ADAMTS3: variants seen among roughly 807,000 people sequenced by gnomAD.
The protein encoded by ADAMTS3 is ADAM metallopeptidase with thrombospondin type 1 motif 3.
ADAMTS3 carries 73 observed loss-of-function variants against 129.0 expected under a neutral mutation model. The observed-to-expected ratio is 0.57, with a 90% CI of 0.47 to 0.69. The LOEUF is 0.69. Ranked by LOEUF, ADAMTS3 falls within the 30% of genes least tolerant of loss-of-function variation. The probability of loss-of-function intolerance (pLI) is 0.00; values close to 1 mark genes in which losing one functional copy is unlikely to be tolerated. For synonymous variants in ADAMTS3, 477 were observed against 510.8 expected (o/e 0.93, Z 0.89); for missense variants, 1,457 against 1,514.5 (o/e 0.96, Z 0.63).
intron 4 of ADAMTS3, among the ~76,000 whole-genome samples, chr4:72,407,722 A>G: frequency 6.6e-6 from 1 of 152,170 alleles, no homozygotes. Flanking sequence ...AAAATATCTC[A>G]GGTCAAAAGC....
At chr4:72,509,386 TAAG>T (rs1487385272) in intron 3 of ADAMTS3, among the ~76,000 whole-genome samples, 1 of 151,586 alleles carries the variant, frequency 6.6e-6, no homozygotes, top group East Asian at 1.9e-4. Flanking sequence ...TTAGCCAAAC[TAAG>T]AAGAGAGGAG....
chr4:72,447,741 T>C (rs528807067), intron 3 of ADAMTS3, among the ~76,000 whole-genome samples: 2 of 151,834 alleles, frequency 1.3e-5, no homozygotes, highest in East Asian at 2.0e-4. Flanking sequence ...AGAAGCACAG[T>C]TGGCTCTAAA....
chr4:72,298,623 T>C (rs547160089), intron 17 of ADAMTS3, among the ~76,000 whole-genome samples, 181 bp from the exon 18 acceptor site: 1 of 152,184 alleles, frequency 6.6e-6, no homozygotes, highest in African/African-American at 2.4e-5. Context: ...AAGAAAAAGA[T>C]GAAGTATCTA....
intron 5 of ADAMTS3, among the ~76,000 whole-genome samples, chr4:72,329,182 G>A (rs188360860): frequency 3.9e-4 from 60 of 151,978 alleles, no homozygotes; most frequent in Middle Eastern, 3.4e-3. Flanking sequence ...CTATAAGCAT[G>A]AAAAAAAATG....
At chr4:72,377,804 G>T (rs941910396) in intron 4 of ADAMTS3, among the ~76,000 whole-genome samples, 1 of 152,078 alleles carries the variant, frequency 6.6e-6, no homozygotes, top group African/African-American at 2.4e-5. Flanking sequence ...TTTGTGCTCA[G>T]AAAAAGGGCA....
At chr4:72,303,391 G>GA (rs1388089501) in intron 17 of ADAMTS3, among the ~76,000 whole-genome samples, 1 of 151,856 alleles carries the variant, frequency 6.6e-6, no homozygotes, top group Admixed American at 6.6e-5. Flanking sequence ...TGAAAGAAGG[G>GA]AAAACAGGGA....
intron 4 of ADAMTS3, among the ~76,000 whole-genome samples, chr4:72,346,558 T>C (rs970461666): frequency 2.0e-5 from 3 of 152,140 alleles, no homozygotes; most frequent in Non-Finnish European, 4.4e-5. Flanking sequence ...TTTAATTTGA[T>C]TTCATTTCAG....
intron 3 of ADAMTS3, among the ~76,000 whole-genome samples, chr4:72,517,213 T>G (rs550318840): frequency 1.3e-5 from 2 of 152,302 alleles, no homozygotes; most frequent in South Asian, 2.1e-4. Context: ...ATAAGCTTTT[T>G]GATGTGCTGC....
At chr4:72,420,084 T>C (rs1169606013) in intron 3 of ADAMTS3, among the ~76,000 whole-genome samples, 2 of 151,936 alleles carry the variant, frequency 1.3e-5, no homozygotes, top group African/African-American at 2.4e-5. Context: ...AAAAAAGTGG[T>C]ACCTTTTAAA....
chr4:72,401,005 A>T (rs1161748445), intron 4 of ADAMTS3, among the ~76,000 whole-genome samples: 8 of 150,656 alleles, frequency 5.3e-5, no homozygotes, highest in Non-Finnish European at 1.5e-5. Flanking sequence ...CACACTGTCC[A>T]ATACAGGGGC....
intron 3 of ADAMTS3, among the ~76,000 whole-genome samples, chr4:72,477,547 T>A (rs1719275140): frequency 6.6e-6 from 1 of 151,232 alleles, no homozygotes; most frequent in Non-Finnish European, 1.5e-5. Context: ...AAGCAGTGTG[T>A]AGAGGGAAAT....
In ADAMTS3 at chr4:72,288,918, GCACATACACACA is replaced by G. The variant is rs749986593; in HGVS notation, c.2932-62_2932-51del. On this transcript the variant is annotated intron_variant, in intron 20 of 21. Transcript: ENST00000286657. ...CAGACATTTATTGCACCAAGACCAT[GCACATACACACA>G]CACACACACACACACACACACACAC... 3.7e-5 allele frequency: 21 copies of G among 564,480 alleles called. No individual in the cohort carries two copies. The African/African-American group carries it at 3.9e-4, about 10-fold the overall frequency. The allele number at this position is 564,480 out of a possible 1,614,324, so 35.0% of individuals were successfully genotyped here. A position where few individuals can be genotyped will look rare whatever the true frequency, so the allele number is the denominator to read the frequency against.
rs548886730 is a variant in ADAMTS3 at position 72,371,065 on chromosome 4, A to G, written c.662-31372T>C. Among the ~76,000 whole-genome samples, 8 of 152,252 alleles carry G rather than the reference A, an allele frequency of 5.3e-5. No homozygotes were observed. The South Asian group carries it at 8.3e-4, about 16-fold the overall frequency. Reference sequence around the variant, plus strand: ...CAGAGACCAGAGTGATATGTCTACAAGCCAAGAAACACCAAGGATTACAGG... The same window carrying G: ...CAGAGACCAGAGTGATATGTCTACAGGCCAAGAAACACCAAGGATTACAGG... On this transcript the variant is annotated intron_variant, in intron 4 of 21. Transcript: ENST00000286657.
rs1718369477 is a variant in ADAMTS3 at position 72,282,256 on chromosome 4, C to T, written c.*880G>A. ...ACAAAGGACACCTCAACGGTGCCTA[C>T]TGAGGTCCTGGAAAGAGGGTTTCAG... On this transcript the variant is annotated 3_prime_UTR_variant, in exon 22 of 22. Coordinates refer to ENST00000286657, the MANE Select transcript of ADAMTS3 (RefSeq NM_014243.3). 1 of 152,156 alleles carries T rather than the reference C, an allele frequency of 6.6e-6. No individual in the cohort carries two copies. The highest frequency in any genetic ancestry group is 2.4e-5 in the African/African-American group (1 of 41,438). The allele number at this position is 152,156 out of a possible 1,614,324, so 9.4% of individuals were successfully genotyped here. A position where few individuals can be genotyped will look rare whatever the true frequency, so the allele number is the denominator to read the frequency against.
chr4:72,465,250 C>A (rs529464202), intron 3 of ADAMTS3, among the ~76,000 whole-genome samples: 1 of 151,936 alleles, frequency 6.6e-6, no homozygotes, highest in African/African-American at 2.4e-5. Context: ...TCAAAAGGAG[C>A]CAACTATGTA....
chr4:72,520,061 G>A (rs1381969236), intron 3 of ADAMTS3, among the ~76,000 whole-genome samples: 1 of 152,174 alleles, frequency 6.6e-6, no homozygotes, highest in Non-Finnish European at 1.5e-5. Context: ...CTAACAGACA[G>A]GACCCTCAGC....
intron 3 of ADAMTS3, among the ~76,000 whole-genome samples, chr4:72,499,976 A>G (rs1238396501): frequency 6.6e-6 from 1 of 152,168 alleles, no homozygotes; most frequent in Non-Finnish European, 1.5e-5. Flanking sequence ...TTATTGCTGC[A>G]AAGTATTCAA....
intron 2 of ADAMTS3, among the ~76,000 whole-genome samples, chr4:72,557,193 A>G (rs1046884026): frequency 1.3e-5 from 2 of 151,856 alleles, no homozygotes; most frequent in African/African-American, 4.9e-5. Flanking sequence ...AAGCAGCTCC[A>G]ACAACAACAT....
intron 4 of ADAMTS3, among the ~76,000 whole-genome samples, chr4:72,361,298 T>A (rs1720721515): frequency 6.6e-6 from 1 of 152,152 alleles, no homozygotes; most frequent in African/African-American, 2.4e-5. Context: ...ATAAATGAGA[T>A]AATGTATTAC....
Sources: allele counts gnomAD v4.1 joint callset (sites outside exome capture counted in the v4.1 genomes callset), GRCh38; gene constraint gnomAD v4.1.1; transcripts MANE v1.5; gene names NCBI Gene and HGNC (gene_info 2026-07-23, HGNC 2026-07-21).